SNX10: variants seen among roughly 807,000 people sequenced by gnomAD.
The protein encoded by SNX10 is sorting nexin 10.
Under a neutral mutation model 28.5 loss-of-function variants are expected in SNX10, and 25 were observed. That is an observed-to-expected ratio of 0.88 (90% CI 0.64 to 1.22). SNX10 has a LOEUF of 1.22. SNX10 is among the 50% of genes most tolerant of loss of function. SNX10 has a pLI of 0.00. For missense variants in SNX10, 223 were observed against 242.6 expected (o/e 0.92, Z 0.54); for synonymous variants, 62 against 81.4 (o/e 0.76, Z 1.28).
chr7:26,313,744 T>C (rs1786943542), intron 1 of SNX10, among the ~76,000 whole-genome samples: 1 of 152,098 alleles, frequency 6.6e-6, no homozygotes, highest in African/African-American at 2.4e-5. Flanking sequence ...AATGTGAAAT[T>C]GAGCCGTCAT....
chr7:26,339,218 G>A (rs1046985839), intron 1 of SNX10, among the ~76,000 whole-genome samples: 18 of 152,168 alleles, frequency 1.2e-4, no homozygotes, highest in African/African-American at 4.1e-4. Context: ...GCAAGATGGA[G>A]TCGGTTAGGT....
chr7:26,333,736 G>A (rs1787827864), intron 1 of SNX10, among the ~76,000 whole-genome samples: 1 of 152,136 alleles, frequency 6.6e-6, no homozygotes, highest in Non-Finnish European at 1.5e-5. Flanking sequence ...AAAATGTTTT[G>A]TTGGCAGGAG....
At chr7:26,354,435 C>G (rs374881123) in intron 2 of SNX10, among the ~76,000 whole-genome samples, 1 of 152,126 alleles carries the variant, frequency 6.6e-6, no homozygotes, top group African/African-American at 2.4e-5. Context: ...AACCTCCCAC[C>G]CACCCACCAG....
chr7:26,372,655 AC>A lies in SNX10; in HGVS notation c.*85del. The A allele has an allele frequency of 2.4e-6, 2 of 833,024 alleles. No individual in the cohort carries two copies. The highest frequency in any genetic ancestry group is 2.8e-5 in the South Asian group (2 of 72,458). 51.6% of individuals were successfully genotyped at this position (833,024 alleles called of 1,614,324 possible). A position where few individuals can be genotyped will look rare whatever the true frequency, so the allele number is the denominator to read the frequency against. ...GAAAGCTTCATAATAATACATTCTT[AC>A]CTAAAGCTCACTGTCATGATGTTAG... On this transcript the variant is annotated 3_prime_UTR_variant, in exon 7 of 7. Transcript: ENST00000338523.
intron 1 of SNX10, among the ~76,000 whole-genome samples, chr7:26,302,802 A>G (rs1214719503): frequency 6.6e-6 from 1 of 152,100 alleles, no homozygotes; most frequent in Non-Finnish European, 1.5e-5. Context: ...TAATCCCAGC[A>G]CTTTGGGAGG....
At chr7:26,328,567 G>A (rs551964556) in intron 1 of SNX10, among the ~76,000 whole-genome samples, 9 of 152,272 alleles carry the variant, frequency 5.9e-5, no homozygotes, top group African/African-American at 2.2e-4. Flanking sequence ...AGGGCTGCCA[G>A]TGGCCCACTG....
At chr7:26,345,803 A>G (rs754493201) in intron 1 of SNX10, among the ~76,000 whole-genome samples, 1 of 152,140 alleles carries the variant, frequency 6.6e-6, no homozygotes, top group South Asian at 2.1e-4. Flanking sequence ...TGTTAAATCT[A>G]ATGAGCTTAC....
intron 1 of SNX10, among the ~76,000 whole-genome samples, chr7:26,343,292 C>T (rs183062179): frequency 6.6e-6 from 1 of 152,288 alleles, no homozygotes; most frequent in Non-Finnish European, 1.5e-5. Context: ...CATTGGAAGG[C>T]CACCCTAGGG....
chr7:26,303,749 G>A (rs1786466609), intron 1 of SNX10, among the ~76,000 whole-genome samples: 1 of 152,194 alleles, frequency 6.6e-6, no homozygotes. Context: ...CTGGGTCTCA[G>A]TATTCCAATT....
chr7:26,324,163 C>G (rs1787409124), intron 1 of SNX10, among the ~76,000 whole-genome samples: 1 of 151,868 alleles, frequency 6.6e-6, no homozygotes, highest in Non-Finnish European at 1.5e-5. Flanking sequence ...ATAAGATAAC[C>G]CCTTATTCAG....
intron 1 of SNX10, among the ~76,000 whole-genome samples, chr7:26,307,181 A>T (rs1008642578): frequency 3.9e-5 from 6 of 152,030 alleles, no homozygotes; most frequent in Non-Finnish European, 7.4e-5. Flanking sequence ...TAAATGTTGA[A>T]TTTTTTTCTC....
intron 1 of SNX10, among the ~76,000 whole-genome samples, chr7:26,335,900 C>T (rs997763436): frequency 2.6e-4 from 40 of 151,310 alleles, no homozygotes; most frequent in Non-Finnish European, 5.2e-4. Flanking sequence ...CCCGCCACTG[C>T]GCCCGGCTAA....
At chr7:26,336,837 C>T (rs1787963557) in intron 1 of SNX10, among the ~76,000 whole-genome samples, 1 of 152,160 alleles carries the variant, frequency 6.6e-6, no homozygotes, top group Admixed American at 6.5e-5. Context: ...TTCTACTCCG[C>T]TTATGGACGT....
chr7:26,314,554 AGTT>A (rs1315029731), intron 1 of SNX10, among the ~76,000 whole-genome samples: 1 of 152,120 alleles, frequency 6.6e-6, no homozygotes, highest in Non-Finnish European at 1.5e-5. Context: ...TTGGGCTTTT[AGTT>A]GTTATATTGA....
intron 1 of SNX10, among the ~76,000 whole-genome samples, chr7:26,320,674 C>T (rs776009481): frequency 1.3e-5 from 2 of 152,008 alleles, no homozygotes; most frequent in African/African-American, 4.8e-5. Context: ...CCTTTTGATC[C>T]GCCTGCCTCG....
At chr7:26,359,095 G>A (rs566846508) in intron 2 of SNX10, among the ~76,000 whole-genome samples, 2 of 151,918 alleles carry the variant, frequency 1.3e-5, no homozygotes, top group South Asian at 2.1e-4. Context: ...TGTGAGCCCT[G>A]CCTATCTTGT....
At chr7:26,338,496 G>A (rs750084373) in intron 1 of SNX10, among the ~76,000 whole-genome samples, 7 of 152,142 alleles carry the variant, frequency 4.6e-5, no homozygotes, top group Non-Finnish European at 8.8e-5. Context: ...GCGTGATCTT[G>A]GTTCACGCCA....
chr7:26,291,935 C>CG lies in SNX10; in HGVS notation c.-171dup, dbSNP rs1033640835. On this transcript the variant is annotated 5_prime_UTR_variant, in exon 1 of 7. Transcript: ENST00000338523. ...GGGGCCGCTACGTGCGCGGGGAGCG[C>CG]GGGGAGCGCGGGGAGCGCGGGGCTG... 3.4e-5 allele frequency: 5 copies of CG among 145,598 alleles called. No homozygotes were observed. Among genetic ancestry groups the CG allele is most frequent in the African/African-American group, 1.2e-4 (5 of 40,224 alleles). 9.0% of individuals were successfully genotyped at this position (145,598 alleles called of 1,614,324 possible).
chr7:26,325,306 A>AATATATAT (rs149785859), intron 1 of SNX10, among the ~76,000 whole-genome samples: 8,352 of 51,300 alleles, frequency 0.16, 1,717 homozygotes, highest in South Asian at 0.37. Flanking sequence ...AAGTTTGCAA[A>AATATATAT]ATATATATAT....
Sources: allele counts gnomAD v4.1 joint callset (sites outside exome capture counted in the v4.1 genomes callset), GRCh38; gene constraint gnomAD v4.1.1; transcripts MANE v1.5; gene names NCBI Gene and HGNC (gene_info 2026-07-23, HGNC 2026-07-21).